Variants in DIMT1 observed in about 807,000 individuals in gnomAD.
The protein encoded by DIMT1 is dimethyladenosine transferase.
DIMT1 carries 36 observed loss-of-function variants against 43.2 expected under a neutral mutation model. The ratio of observed to expected loss-of-function variants is 0.83; its 90% CI spans 0.64 to 1.10. The LOEUF (loss-of-function observed/expected upper bound fraction) is 1.10, where lower values mean the gene tolerates loss of function less well. DIMT1 is among the 50% of genes least tolerant of loss of function. The probability of loss-of-function intolerance (pLI) is 0.00; values close to 1 mark genes in which losing one functional copy is unlikely to be tolerated. For synonymous variants in DIMT1, 126 were observed against 130.3 expected (o/e 0.97, Z 0.22); for missense variants, 341 against 385.3 (o/e 0.88, Z 0.96).
intron 9 of DIMT1, 98 bp downstream of exon 9, chr5:62,392,828 T>G: frequency 1.4e-6 from 1 of 729,578 alleles, no homozygotes; most frequent in Non-Finnish European, 2.3e-6. Flanking sequence ...ACCCATAATC[T>G]TTATGCTTTA....
chr5:62,392,109 T>A, intron 10 of DIMT1, 62 bp downstream of exon 10: 1 of 1,605,494 alleles, frequency 6.2e-7, no homozygotes, highest in South Asian at 1.1e-5. Context: ...TCAACAAGAA[T>A]AAAAATGGAC....
At chr5:62,392,052 T>G (rs776415026) in intron 10 of DIMT1, 119 bp downstream of exon 10, 2 of 1,579,922 alleles carry the variant, frequency 1.3e-6, no homozygotes, top group Non-Finnish European at 1.7e-6. Flanking sequence ...CATTATATAT[T>G]GTCTTTTAAG....
At chr5:62,397,603 G>A (rs1165957156) in intron 6 of DIMT1, among the ~76,000 whole-genome samples, 1 of 151,892 alleles carries the variant, frequency 6.6e-6, no homozygotes, top group African/African-American at 2.4e-5. Flanking sequence ...CTTAAAATGA[G>A]TTATCCATTA....
At chr5:62,394,159 A>G in intron 7 of DIMT1, 112 bp from the exon 8 acceptor site, 1 of 1,014,890 alleles carries the variant, frequency 9.9e-7, no homozygotes, top group South Asian at 1.4e-5. Flanking sequence ...GAATTAAGCT[A>G]GATTATTTCA....
At position 62,388,847 on chromosome 5, in the gene DIMT1, C is replaced by T. The variant is rs1195152112; in HGVS notation, c.*163G>A. On this transcript the variant is annotated 3_prime_UTR_variant, in exon 12 of 12. Transcript: ENST00000199320. ...AACTTTGATACTTAGAACTTTCCAA[C>T]TTTAAAATTCAGAATCATAAATGGT... 8 of 666,936 alleles carry T rather than the reference C, an allele frequency of 1.2e-5. No homozygotes were observed. The highest frequency in any genetic ancestry group is 2.1e-5 in the Non-Finnish European group (8 of 384,488). The allele number at this position is 666,936 out of a possible 1,614,324, so 41.3% of individuals were successfully genotyped here. A position where few individuals can be genotyped will look rare whatever the true frequency, so the allele number is the denominator to read the frequency against.
In DIMT1 at chr5:62,403,880, T is replaced by C; in HGVS notation, c.-108A>G. The C allele has an allele frequency of 8.1e-7, 1 of 1,230,120 alleles. No individual in the cohort carries two copies. The highest frequency in any genetic ancestry group is 2.4e-5 in the Admixed American group (1 of 41,892). 76.2% of individuals were successfully genotyped at this position (1,230,120 alleles called of 1,614,324 possible). A position where few individuals can be genotyped will look rare whatever the true frequency, so the allele number is the denominator to read the frequency against. ...CGCCGCCACGCGCCGCCCGCACCAC[T>C]CTGGCCCAAGCGCCGGAGGGGCAAG... On this transcript the variant is annotated 5_prime_UTR_variant, in exon 1 of 12. Transcript: ENST00000199320.
At position 62,403,687 on chromosome 5, in the gene DIMT1, T is replaced by G; in HGVS notation, c.79+7A>C. 1.2e-6 allele frequency: 2 copies of G among 1,606,008 alleles called. No homozygotes were observed. The highest frequency in any genetic ancestry group is 1.7e-6 in the Non-Finnish European group (2 of 1,177,092). On this transcript the variant is annotated splice_region_variant and intron_variant, in intron 1 of 11. Coordinates refer to ENST00000199320, the MANE Select transcript of DIMT1 (RefSeq NM_014473.4). ...ACCGACCCCAGCTTCCTCGCGGGGA[T>G]CCGCACCTCCAGCGCTCTTCAGCTC...
intron 3 of DIMT1, among the ~76,000 whole-genome samples, chr5:62,399,329 AGTGATGGGCATCT>A (rs1742613483): frequency 6.6e-6 from 1 of 152,092 alleles, no homozygotes; most frequent in Non-Finnish European, 1.5e-5. Flanking sequence ...AGCTGGGTAC[AGTGATGGGCATCT>A]GTAATCCCAG....
intron 3 of DIMT1, among the ~76,000 whole-genome samples, chr5:62,401,644 G>C (rs1420250787): frequency 1.6e-5 from 2 of 126,494 alleles, no homozygotes; most frequent in African/African-American, 6.1e-5. Flanking sequence ...GTGCAGTGGT[G>C]CAATCCTGGC....
rs1037633572 is a variant in DIMT1 at position 62,387,904 on chromosome 5, T to G, written c.*1106A>C. Reference sequence around the variant, plus strand: ...ATTTCAAAATCTGGCTTTGTTAAATTAATTGGAAACACTCTTCTATTAAGT... The same window carrying G: ...ATTTCAAAATCTGGCTTTGTTAAATGAATTGGAAACACTCTTCTATTAAGT... On this transcript the variant is annotated 3_prime_UTR_variant, in exon 12 of 12. Coordinates refer to ENST00000199320, the MANE Select transcript of DIMT1 (RefSeq NM_014473.4). 22 of 152,088 alleles carry G rather than the reference T, an allele frequency of 1.4e-4. No individual in the cohort carries two copies. Among genetic ancestry groups the G allele is most frequent in the African/African-American group, 5.3e-4 (22 of 41,440 alleles). 9.4% of individuals were successfully genotyped at this position (152,088 alleles called of 1,614,324 possible).
intron 9 of DIMT1, chr5:62,392,724 G>T: frequency 4.5e-6 from 2 of 447,916 alleles, no homozygotes; most frequent in Non-Finnish European, 7.9e-6. Flanking sequence ...CAAAAAATGT[G>T]ATCTGACTCT....
chr5:62,397,292 C>A (rs182227706), intron 6 of DIMT1, among the ~76,000 whole-genome samples: 1 of 152,282 alleles, frequency 6.6e-6, no homozygotes, highest in Admixed American at 6.5e-5. Flanking sequence ...ACTGGAAGCT[C>A]TGCTTTTATC....
At chr5:62,392,667 C>T (rs1187936144) in intron 9 of DIMT1, 3 of 379,334 alleles carry the variant, frequency 7.9e-6, no homozygotes, top group Non-Finnish European at 9.3e-6. Context: ...CAACAAAAAA[C>T]TAGAGCAGAT....
At chr5:62,401,307 C>T (rs1318822530) in intron 3 of DIMT1, among the ~76,000 whole-genome samples, 2 of 151,726 alleles carry the variant, frequency 1.3e-5, no homozygotes, top group East Asian at 4.0e-4. Flanking sequence ...ACCAGTGTGG[C>T]CAACATGGTG....
Position 62,388,623 on chromosome 5 carries a change from A to G in DIMT1, c.*387T>C, listed in dbSNP as rs1443000660. 4 of 170,150 alleles carry G rather than the reference A, an allele frequency of 2.4e-5. No individual in the cohort carries two copies. The highest frequency in any genetic ancestry group is 6.3e-5 in the Admixed American group (1 of 15,902). 10.5% of individuals were successfully genotyped at this position (170,150 alleles called of 1,614,324 possible). ...TGGTATGGGGAATGTGTGACTAGTG[A>G]AGCATATTTTAACTTTTTTATTACT... On this transcript the variant is annotated 3_prime_UTR_variant, in exon 12 of 12. Coordinates refer to ENST00000199320, the MANE Select transcript of DIMT1 (RefSeq NM_014473.4).
chr5:62,389,035 T>C lies in DIMT1; in HGVS notation c.917A>G (p.Asn306Ser). ...DDFIRLLHGF[N>S]AEGIHFS Reference sequence around the variant, plus strand: ...CTAGGAAAAATGAATACCTTCTGCGTTGAATCCATGTAGCAATCTGAAAAA... The same window carrying C: ...CTAGGAAAAATGAATACCTTCTGCGCTGAATCCATGTAGCAATCTGAAAAA... The change falls in exon 12 of 12, where the codon AAC becomes AGC. Residue 306 changes from asparagine (N) to serine (S), a missense_variant. Coordinates refer to ENST00000199320, the MANE Select transcript of DIMT1 (RefSeq NM_014473.4). The C allele has an allele frequency of 5.6e-6, 9 of 1,609,700 alleles. No individual in the cohort carries two copies. Among genetic ancestry groups the C allele is most frequent in the Non-Finnish European group, 7.6e-6 (9 of 1,178,660 alleles).
chr5:62,394,098 A>C, intron 7 of DIMT1, 51 bp from the exon 8 acceptor site: 1 of 1,538,788 alleles, frequency 6.5e-7, no homozygotes, highest in Non-Finnish European at 8.9e-7. Context: ...ACTTTTATTT[A>C]GTAACCAGAT....
chr5:62,402,044 CCTTTT>C lies in DIMT1; in HGVS notation c.227_231del (p.Glu76GlyfsTer8). On this transcript the variant is annotated frameshift_variant, in exon 3 of 12. Transcript: ENST00000199320. LOFTEE classifies it high-confidence loss of function. ...TTAAATCCCCTTTCTACCTTTTTTG[CCTTTT>C]CTAACAACTTTACAGTCATGTTGCC... 1 of 1,610,894 alleles carries C rather than the reference CCTTTT, an allele frequency of 6.2e-7. No individual in the cohort carries two copies. Among genetic ancestry groups the C allele is most frequent in the Non-Finnish European group, 8.5e-7 (1 of 1,178,966 alleles).
intron 10 of DIMT1, 35 bp downstream of exon 10, chr5:62,392,136 A>G (rs752199854): frequency 6.2e-7 from 1 of 1,606,962 alleles, no homozygotes; most frequent in Non-Finnish European, 8.5e-7. Flanking sequence ...AAAGAAAACA[A>G]ATCAATGAAA....
Sources: gnomAD v4.1 joint callset for allele counts (sites outside exome capture counted in the v4.1 genomes callset) on GRCh38, gnomAD v4.1.1 for gene constraint, MANE v1.5 for transcripts, NCBI Gene and HGNC (gene_info 2026-07-23, HGNC 2026-07-21) for gene names.